Variants in COG5 observed in about 807,000 individuals in gnomAD.
The protein encoded by COG5 is conserved oligomeric Golgi complex subunit 5.
COG5 carries 86 observed loss-of-function variants against 110.4 expected under a neutral mutation model. The observed-to-expected ratio is 0.78, with a 90% CI of 0.65 to 0.93. The LOEUF is 0.93. COG5 is among the 40% of genes least tolerant of loss of function. The pLI is 0.00. For synonymous variants in COG5, 360 were observed against 334.6 expected, an observed-to-expected ratio of 1.08 and a Z score of -0.83; for missense variants, 1,077 against 987.0, an observed-to-expected ratio of 1.09 and a Z score of -1.22.
intron 10 of COG5, among the ~76,000 whole-genome samples, chr7:107,357,197 A>G (rs10251350): frequency 0.14 from 20,797 of 152,200 alleles, 2,093 homozygotes; most frequent in African/African-American, 0.28. Flanking sequence ...TTACAGCTTT[A>G]TAATAAAGAT....
At chr7:107,310,225 G>A (rs1289128595) in intron 11 of COG5, among the ~76,000 whole-genome samples, 2 of 152,062 alleles carry the variant, frequency 1.3e-5, no homozygotes, top group Admixed American at 6.6e-5. Flanking sequence ...AATCCAACAC[G>A]AGCAAAGAAA....
At chr7:107,529,024 TAAA>T (rs58281094) in intron 5 of COG5, among the ~76,000 whole-genome samples, 9 of 97,834 alleles carry the variant, frequency 9.2e-5, no homozygotes, top group African/African-American at 4.5e-4. Context: ...AATACTTAAA[TAAA>T]AAAAAAAAAA....
At chr7:107,242,002 G>C (rs1233498630) in intron 17 of COG5, among the ~76,000 whole-genome samples, 1 of 151,806 alleles carries the variant, frequency 6.6e-6, no homozygotes, top group South Asian at 2.1e-4. Context: ...GGCTGGTCCT[G>C]AATTCCTGAG....
At chr7:107,428,978 G>A (rs1369278212) in intron 6 of COG5, among the ~76,000 whole-genome samples, 2 of 152,104 alleles carry the variant, frequency 1.3e-5, no homozygotes, top group Non-Finnish European at 2.9e-5. Context: ...TTGAAGCACA[G>A]GCATCAGATA....
intron 11 of COG5, among the ~76,000 whole-genome samples, chr7:107,322,312 C>T (rs1271662828): frequency 6.6e-6 from 1 of 152,170 alleles, no homozygotes; most frequent in Non-Finnish European, 1.5e-5. Context: ...CGTGAGGACA[C>T]AGTCAGAAGG....
At chr7:107,338,542 C>T (rs1256210684) in intron 10 of COG5, among the ~76,000 whole-genome samples, 1 of 152,018 alleles carries the variant, frequency 6.6e-6, no homozygotes, top group East Asian at 1.9e-4. Flanking sequence ...GCTATAGCTC[C>T]TAGACCAAAA....
intron 6 of COG5, among the ~76,000 whole-genome samples, chr7:107,443,234 A>C (rs184436185): frequency 6.6e-6 from 1 of 152,278 alleles, no homozygotes; most frequent in African/African-American, 2.4e-5. Flanking sequence ...ATATATACTA[A>C]GTGAAAGAGC....
At chr7:107,506,632 T>A (rs537058514) in intron 6 of COG5, among the ~76,000 whole-genome samples, 37 of 152,300 alleles carry the variant, frequency 2.4e-4, no homozygotes, top group African/African-American at 8.7e-4. Context: ...AAGGCAGATC[T>A]CACACCCACA....
At chr7:107,241,184 A>G (rs944862079) in intron 17 of COG5, among the ~76,000 whole-genome samples, 1 of 152,176 alleles carries the variant, frequency 6.6e-6, no homozygotes, top group Non-Finnish European at 1.5e-5. Context: ...GACCACTGTT[A>G]TTATAGAATA....
At chr7:107,500,688 T>G (rs1798578814) in intron 6 of COG5, among the ~76,000 whole-genome samples, 1 of 152,156 alleles carries the variant, frequency 6.6e-6, no homozygotes, top group Admixed American at 6.6e-5. Flanking sequence ...GTTGTAATAA[T>G]AAAACCATGT....
chr7:107,481,433 T>C (rs1797334529), intron 6 of COG5, among the ~76,000 whole-genome samples: 1 of 152,166 alleles, frequency 6.6e-6, no homozygotes, highest in African/African-American at 2.4e-5. Flanking sequence ...ATATTAAACG[T>C]AGACTGTAGG....
At chr7:107,401,683 C>T (rs1281309477) in intron 7 of COG5, among the ~76,000 whole-genome samples, 1 of 152,154 alleles carries the variant, frequency 6.6e-6, no homozygotes, top group Non-Finnish European at 1.5e-5. Context: ...AAAAACAATA[C>T]TGGGACCAAA....
intron 18 of COG5, among the ~76,000 whole-genome samples, chr7:107,235,009 C>T (rs994169091): frequency 6.6e-6 from 1 of 152,166 alleles, no homozygotes; most frequent in Non-Finnish European, 1.5e-5. Context: ...TGTTTTTATG[C>T]TGTGGCTACT....
At chr7:107,365,257 T>C (rs558522718) in intron 8 of COG5, among the ~76,000 whole-genome samples, 1 of 152,000 alleles carries the variant, frequency 6.6e-6, no homozygotes, top group South Asian at 2.1e-4. Flanking sequence ...TGAAAAATGG[T>C]TTCTAGTTAG....
intron 5 of COG5, among the ~76,000 whole-genome samples, chr7:107,527,789 T>C (rs1313049602): frequency 1.3e-5 from 2 of 152,240 alleles, no homozygotes; most frequent in African/African-American, 4.8e-5. Flanking sequence ...AGCTTTCTTC[T>C]CTAGGCCAGT....
At chr7:107,540,626 A>G (rs573344468) in intron 5 of COG5, among the ~76,000 whole-genome samples, 17 of 150,714 alleles carry the variant, frequency 1.1e-4, no homozygotes, top group Non-Finnish European at 2.5e-4. Context: ...AAAAAAAAAG[A>G]TCAAACTGAT....
chr7:107,430,777 C>T (rs1226692936), intron 6 of COG5, among the ~76,000 whole-genome samples: 3 of 152,182 alleles, frequency 2.0e-5, no homozygotes, highest in African/African-American at 7.2e-5. Context: ...TTGTGAAATG[C>T]TACCTTACAT....
intron 6 of COG5, among the ~76,000 whole-genome samples, chr7:107,512,491 A>C (rs540071067): frequency 0.012 from 1,813 of 152,246 alleles, 28 homozygotes; most frequent in African/African-American, 0.041. Flanking sequence ...TTATAGATTC[A>C]ATGCCATCCC....
chr7:107,210,733 G>T (rs1799102341), intron 20 of COG5, 128 bp from the exon 21 acceptor site: 3 of 1,052,356 alleles, frequency 2.9e-6, no homozygotes, highest in South Asian at 2.7e-5. Context: ...TCCAAGGGAA[G>T]TGTGAAGGGG....
Sources: gnomAD v4.1 joint callset for allele counts (sites outside exome capture counted in the v4.1 genomes callset) on GRCh38, gnomAD v4.1.1 for gene constraint, MANE v1.5 for transcripts, NCBI Gene and HGNC (gene_info 2026-07-23, HGNC 2026-07-21) for gene names.